The following KCNQ4 variants were observed in gnomAD, a reference collection of about 807,000 sequenced individuals.
KCNQ4 encodes the protein potassium voltage-gated channel subfamily Q member 4.
In KCNQ4, 31 loss-of-function variants were observed where a neutral mutation model predicts 72.6. The ratio of observed to expected loss-of-function variants is 0.43; its 90% CI spans 0.32 to 0.58. KCNQ4 has a LOEUF of 0.58. Among genes scored for constraint, KCNQ4 ranks in the 20% least tolerant of loss-of-function variants. The pLI is 0.08. For missense variants in KCNQ4, 869 were observed against 962.6 expected (o/e 0.90, Z 1.29); for synonymous variants, 405 against 403.7 (o/e 1.00, Z -0.04).
intron 1 of KCNQ4, among the ~76,000 whole-genome samples, chr1:40,793,677 C>G (rs1291529487): frequency 1.3e-5 from 2 of 152,200 alleles, no homozygotes; most frequent in Admixed American, 6.5e-5. Context: ...ATCCTTTGCT[C>G]TCACCTAAGA....
chr1:40,840,198 A>T lies in KCNQ4; in HGVS notation c.*1675A>T, dbSNP rs1648935763. 1 of 152,264 alleles carries T rather than the reference A, an allele frequency of 6.6e-6. No individual in the cohort carries two copies. Among genetic ancestry groups the T allele is most frequent in the Admixed American group, 6.5e-5 (1 of 15,278 alleles). The allele number at this position is 152,264 out of a possible 1,614,324, so 9.4% of individuals were successfully genotyped here. ...AACATGCCCTCTGCATGTGACCGTC[A>T]TGCCCTGGATGGAGCCACTCCTGGC... On this transcript the variant is annotated 3_prime_UTR_variant, in exon 14 of 14. Transcript: ENST00000347132.
In KCNQ4 at chr1:40,784,528, C is replaced by G; in HGVS notation, c.314+121C>G. The stretch of plus-strand genomic sequence containing the variant: ...TGCCTCAGGGCCGACCCTCATCTCT[C>G]TCCCCCCAGGCCTAAGCCCGGTTTC... On this transcript the variant is annotated intron_variant, in intron 1 of 13. Transcript: ENST00000347132. This position sits in a 1 kb window ranked among gnomAD's most constrained non-coding sequence, Gnocchi z 4.1. 1.1e-6 allele frequency: 1 copy of G among 936,370 alleles called. No homozygotes were observed. The highest frequency in any genetic ancestry group is 1.9e-5 in the Admixed American group (1 of 52,034). 58.0% of individuals were successfully genotyped at this position (936,370 alleles called of 1,614,324 possible). A position where few individuals can be genotyped will look rare whatever the true frequency, so the allele number is the denominator to read the frequency against.
At chr1:40,800,401 G>A (rs1308953158) in intron 1 of KCNQ4, among the ~76,000 whole-genome samples, 1 of 152,200 alleles carries the variant, frequency 6.6e-6, no homozygotes, top group Non-Finnish European at 1.5e-5. Flanking sequence ...TGTCAGGAAG[G>A]ATAGAGCAAA....
chr1:40,822,125 C>T (rs1042268203), intron 7 of KCNQ4, among the ~76,000 whole-genome samples, 189 bp from the exon 8 acceptor site: 41 of 152,310 alleles, frequency 2.7e-4, no homozygotes, highest in Non-Finnish European at 3.4e-4. Context: ...TTTGTCCCCT[C>T]GGGGAAGTCG....
In KCNQ4 at chr1:40,790,556, G is replaced by A. The variant is rs555089762; in HGVS notation, c.314+6149G>A. Among the ~76,000 whole-genome samples the A allele has an allele frequency of 2.5e-4, 38 of 152,296 alleles. 1 individual carries two copies. Among genetic ancestry groups the A allele is most frequent in the South Asian group, 1.0e-3 (5 of 4,820 alleles). On this transcript the variant is annotated intron_variant, in intron 1 of 13. Coordinates refer to ENST00000347132, the MANE Select transcript of KCNQ4 (RefSeq NM_004700.4). Reference sequence around the variant, plus strand: ...TCTGACTTACATTCTCTCGTGTAACGCTCACAGCCATCTTATCAGGTGGGT... The same window carrying A: ...TCTGACTTACATTCTCTCGTGTAACACTCACAGCCATCTTATCAGGTGGGT...
At position 40,820,261 on chromosome 1, in the gene KCNQ4, G is replaced by T; in HGVS notation, c.1041+1G>T. ...GATGCCGGCAGCCAACCTCATCCAG[G>T]TACAAGATGCCCGGGAAGAAGCCCT... On this transcript the variant is annotated splice_donor_variant, in intron 7 of 13. Coordinates refer to ENST00000347132, the MANE Select transcript of KCNQ4 (RefSeq NM_004700.4). LOFTEE classifies it high-confidence loss of function. The T allele has an allele frequency of 6.3e-7, 1 of 1,599,800 alleles. No individual in the cohort carries two copies. The highest frequency in any genetic ancestry group is 8.5e-7 in the Non-Finnish European group (1 of 1,173,264).
intron 4 of KCNQ4, 130 bp from the exon 5 acceptor site, chr1:40,819,217 A>T: frequency 9.1e-7 from 1 of 1,093,596 alleles, no homozygotes; most frequent in Non-Finnish European, 1.3e-6. Flanking sequence ...TGATGGGAGG[A>T]GCTGAGAAAG....
At chr1:40,812,291 C>G (rs1334343897) in intron 1 of KCNQ4, among the ~76,000 whole-genome samples, 2 of 152,200 alleles carry the variant, frequency 1.3e-5, no homozygotes, top group Non-Finnish European at 2.9e-5. Context: ...GAGTCTGGCT[C>G]TGTCCCCCAA....
chr1:40,789,690 G>A, intron 1 of KCNQ4, among the ~76,000 whole-genome samples: 1 of 152,188 alleles, frequency 6.6e-6, no homozygotes. Flanking sequence ...GCTGCTAGAT[G>A]TCTAACTTCA....
intron 8 of KCNQ4, among the ~76,000 whole-genome samples, 200 bp from the exon 9 acceptor site, chr1:40,823,897 T>TACC (rs1648389634): frequency 1.3e-5 from 2 of 152,214 alleles, no homozygotes; most frequent in African/African-American, 4.8e-5. Flanking sequence ...ATGCTTGGCA[T>TACC]CCCTGGGAAC....
intron 9 of KCNQ4, among the ~76,000 whole-genome samples, chr1:40,827,747 G>A (rs3767943): frequency 0.18 from 27,866 of 152,066 alleles, 2,878 homozygotes; most frequent in Admixed American, 0.31. Flanking sequence ...CCCACTATTC[G>A]TGTGTCCTTG....
Position 40,818,295 on chromosome 1 carries a change from T to C in KCNQ4, c.532+5T>C, listed in dbSNP as rs1648160187. 1 of 1,613,494 alleles carries C rather than the reference T, an allele frequency of 6.2e-7. No homozygotes were observed. The highest frequency in any genetic ancestry group is 1.7e-5 in the Admixed American group (1 of 60,010). On this transcript the variant is annotated splice_donor_5th_base_variant and intron_variant, in intron 3 of 13. Transcript: ENST00000347132. The stretch of plus-strand genomic sequence containing the variant: ...GAAAGCCCTTCTGTGTCATCGGTAA[T>C]GAGGCGCGCCCCGCCCGACCTGACC...
At chr1:40,799,430 A>G (rs895004365) in intron 1 of KCNQ4, among the ~76,000 whole-genome samples, 22 of 126,866 alleles carry the variant, frequency 1.7e-4, no homozygotes, top group Middle Eastern at 4.2e-3. Context: ...TGTGTGGGCC[A>G]TGCCCCCCCC....
chr1:40,837,323 C>A (rs1648833040), intron 12 of KCNQ4, among the ~76,000 whole-genome samples: 1 of 152,236 alleles, frequency 6.6e-6, no homozygotes. Flanking sequence ...AATTCCTGGG[C>A]TCAAGTGATA....
Position 40,788,616 on chromosome 1 carries a change from C to T in KCNQ4, c.314+4209C>T, listed in dbSNP as rs775436120. Among the ~76,000 whole-genome samples, 73 of 152,152 alleles carry T rather than the reference C, an allele frequency of 4.8e-4. No homozygotes were observed. The highest frequency in any genetic ancestry group is 8.4e-4 in the Non-Finnish European group (57 of 68,024). ...AATGTGGAAGAGCCTCAGCCCGGAG[C>T]GGGGGCTGACTGGGAGCTGTTGCGC... is the stretch of plus-strand genomic sequence containing the variant. On this transcript the variant is annotated intron_variant, in intron 1 of 13. Coordinates refer to ENST00000347132, the MANE Select transcript of KCNQ4 (RefSeq NM_004700.4). This position sits in a 1 kb window ranked among gnomAD's most constrained non-coding sequence, Gnocchi z 4.5.
chr1:40,837,723 A>G lies in KCNQ4; in HGVS notation c.1804A>G (p.Lys602Glu), dbSNP rs751793378. 63 of 1,613,332 alleles carry G rather than the reference A, an allele frequency of 3.9e-5. No individual in the cohort carries two copies. The highest frequency in any genetic ancestry group is 5.2e-5 in the Non-Finnish European group (61 of 1,179,742). ...CAGGAAGGCCCGGGAGAAGGGCGAC[A>G]AGGGGCCCTCCGACGCGGAGGTGGT... ...GDRKAREKGD[K>E]GPSDAEVVDE... is the part of the protein sequence containing the mutation. Residue 602 changes from lysine to glutamate, a missense_variant, in exon 13 of 14, where the codon AAG becomes GAG. Lys to Glu is a moderately conservative substitution (Grantham distance 56). This residue lies in a region of KCNQ4 where 480 missense variants were observed against 501.9 expected (regional missense o/e 0.96). Coordinates refer to ENST00000347132, the MANE Select transcript of KCNQ4 (RefSeq NM_004700.4).
At position 40,835,475 on chromosome 1, in the gene KCNQ4, ATCC is replaced by A. The variant is rs761225050; in HGVS notation, c.1745+381_1745+383del. On this transcript the variant is annotated intron_variant, in intron 12 of 13. Transcript: ENST00000347132. ...TCACTGCCCACCTCTTGCCTCTGGA[ATCC>A]TCCCACATCTCTCTGGTAGACCCAG... 8.0e-4 allele frequency among the ~76,000 whole-genome samples: 122 copies of A among 152,292 alleles called. 3 individuals carry two copies. The highest frequency in any genetic ancestry group is 5.0e-4 in the Non-Finnish European group (34 of 68,022).
rs1647180923 is a variant in KCNQ4, at chr1:40,784,182, A to G, written c.89A>G (p.Gln30Arg). ...GAGCTAGTGGCGCTCACGGCCGTGC[A>G]GAGCGAACAGGGCGAGGCGGGCGGG... ...RAELVALTAVQSEQGEAGGGG... is the reference protein window; with the variant it reads ...RAELVALTAVRSEQGEAGGGG... The change falls in exon 1 of 14, where the codon CAG becomes CGG. Residue 30 changes from glutamine to arginine, a missense_variant. Physicochemically the swap from Gln to Arg is conservative, Grantham distance 43. Coordinates refer to ENST00000347132, the MANE Select transcript of KCNQ4 (RefSeq NM_004700.4). The surrounding 1 kb of genome is among the most constrained non-coding windows in gnomAD (Gnocchi z 4.1). 8.9e-7 allele frequency: 1 copy of G among 1,121,910 alleles called. No individual in the cohort carries two copies. The allele number at this position is 1,121,910 out of a possible 1,614,324, so 69.5% of individuals were successfully genotyped here. A position where few individuals can be genotyped will look rare whatever the true frequency, so the allele number is the denominator to read the frequency against.
At chr1:40,835,662 G>A (rs76458236) in intron 12 of KCNQ4, among the ~76,000 whole-genome samples, 4 of 152,348 alleles carry the variant, frequency 2.6e-5, no homozygotes, top group Admixed American at 2.0e-4. Context: ...GGCAGAAAGC[G>A]CAGCAGAGTT....
Sources: gnomAD v4.1 joint callset for allele counts (sites outside exome capture counted in the v4.1 genomes callset) on GRCh38, gnomAD v4.1.1 for gene constraint, gnomAD v4.1.1 regional missense constraint, Gnocchi (gnomAD v3.1) non-coding constraint, MANE v1.5 for transcripts, NCBI Gene and HGNC (gene_info 2026-07-23, HGNC 2026-07-21) for gene names.